The following KHDRBS2 variants were observed in gnomAD, a reference collection of about 807,000 sequenced individuals.
KHDRBS2 encodes KH domain-containing, RNA-binding, signal transduction-associated protein 2.
KHDRBS2 carries 26 observed loss-of-function variants against 44.3 expected under a neutral mutation model. The ratio of observed to expected loss-of-function variants is 0.59; its 90% confidence interval spans 0.43 to 0.81. KHDRBS2 has a LOEUF of 0.81. Among genes scored for constraint, KHDRBS2 ranks in the 40% least tolerant of loss-of-function variants. The pLI is 0.00. For missense variants in KHDRBS2, 476 were observed against 433.1 expected, an observed-to-expected ratio of 1.10 and a Z score of -0.88; for synonymous variants, 194 against 151.1, an observed-to-expected ratio of 1.28 and a Z score of -2.08.
intron 2 of KHDRBS2, among the ~76,000 whole-genome samples, chr6:62,062,955 C>A (rs1032064148): frequency 6.7e-5 from 10 of 150,138 alleles, no homozygotes; most frequent in Admixed American, 6.0e-4. Context: ...ATATCACCAC[C>A]GATCCCACAG....
chr6:61,723,586 A>C (rs1218798433), intron 7 of KHDRBS2, among the ~76,000 whole-genome samples: 1 of 152,082 alleles, frequency 6.6e-6, no homozygotes, highest in Admixed American at 6.6e-5. Flanking sequence ...AAAAAACAAC[A>C]ATACAGAAGC....
At chr6:61,808,804 T>C (rs1721562072) in intron 6 of KHDRBS2, among the ~76,000 whole-genome samples, 1 of 152,098 alleles carries the variant, frequency 6.6e-6, no homozygotes, top group African/African-American at 2.4e-5. Context: ...TTCATGTATC[T>C]TTACTTTTTT....
At chr6:61,646,279 G>A in the KHDRBS2 span, among the ~76,000 whole-genome samples, 1 of 152,106 alleles carries the variant, frequency 6.6e-6, no homozygotes, top group African/African-American at 2.4e-5. Context: ...ATAAACAGAG[G>A]TATTGTTTTC....
At chr6:61,637,280 G>A in the KHDRBS2 span, among the ~76,000 whole-genome samples, 13 of 151,768 alleles carry the variant, frequency 8.6e-5, no homozygotes, top group South Asian at 2.1e-4. Context: ...GAGAATATGC[G>A]GTGTTTGTTT....
At chr6:62,248,646 C>A (rs1465316971) in intron 1 of KHDRBS2, among the ~76,000 whole-genome samples, 1 of 151,996 alleles carries the variant, frequency 6.6e-6, no homozygotes, top group East Asian at 1.9e-4. Flanking sequence ...TCATGAGTCA[C>A]CTTGAATTAT....
chr6:62,099,988 C>T (rs1432782473), intron 2 of KHDRBS2, among the ~76,000 whole-genome samples: 1 of 152,178 alleles, frequency 6.6e-6, no homozygotes, highest in African/African-American at 2.4e-5. Context: ...AGTGATTTCT[C>T]TGATGAATCT....
intron 2 of KHDRBS2, among the ~76,000 whole-genome samples, chr6:62,104,324 G>A (rs1039953125): frequency 3.3e-5 from 5 of 151,538 alleles, no homozygotes; most frequent in African/African-American, 1.2e-4. Flanking sequence ...TAAGTTTTAG[G>A]GTACATGTGC....
At chr6:61,576,044 T>G in the KHDRBS2 span, among the ~76,000 whole-genome samples, 1 of 152,032 alleles carries the variant, frequency 6.6e-6, no homozygotes, top group Admixed American at 6.6e-5. Flanking sequence ...TATTGGAAAT[T>G]ACCACTAAAG....
intron 4 of KHDRBS2, among the ~76,000 whole-genome samples, chr6:61,975,012 C>A (rs1211009946): frequency 6.6e-6 from 1 of 151,912 alleles, no homozygotes; most frequent in African/African-American, 2.4e-5. Context: ...TGGAGACCAA[C>A]AGGCTGGAAA....
chr6:61,546,401 A>G, the KHDRBS2 span, among the ~76,000 whole-genome samples: 1 of 152,150 alleles, frequency 6.6e-6, no homozygotes, highest in South Asian at 2.1e-4. Flanking sequence ...TATGTCCAGT[A>G]AATCCTCACA....
chr6:62,091,060 G>T lies in KHDRBS2; in HGVS notation c.220-43066C>A, dbSNP rs140147343. Among the ~76,000 whole-genome samples, 103 of 152,256 alleles carry T rather than the reference G, an allele frequency of 6.8e-4. 1 individual carries two copies. The highest frequency in any genetic ancestry group is 4.1e-3 in the East Asian group (21 of 5,178). ...TCATACTGTTCATTGCAACCTAGCT[G>T]TTGCTCTGCCATCTGGAACAGAGCA... On this transcript the variant is annotated intron_variant, in intron 2 of 8. Transcript: ENST00000281156.
chr6:62,271,927 C>T (rs1840157941), intron 1 of KHDRBS2, among the ~76,000 whole-genome samples: 1 of 152,096 alleles, frequency 6.6e-6, no homozygotes, highest in South Asian at 2.1e-4. Context: ...GTCTAACTTA[C>T]AGTGTTTATA....
chr6:61,896,825 A>C (rs1803019533), intron 5 of KHDRBS2, among the ~76,000 whole-genome samples: 2 of 152,142 alleles, frequency 1.3e-5, no homozygotes, highest in African/African-American at 4.8e-5. Flanking sequence ...CTGATTTCCA[A>C]ATCCACTAGA....
chr6:61,940,542 T>A (rs1187210261), intron 4 of KHDRBS2, among the ~76,000 whole-genome samples: 1 of 152,162 alleles, frequency 6.6e-6, no homozygotes, highest in South Asian at 2.1e-4. Flanking sequence ...TCTTCCCAAC[T>A]TGGCCTCTCA....
chr6:62,283,426 T>C (rs1159712288), intron 1 of KHDRBS2, among the ~76,000 whole-genome samples: 6 of 152,266 alleles, frequency 3.9e-5, no homozygotes, highest in African/African-American at 1.4e-4. Context: ...TGAAATCTCA[T>C]TGGTTTATAC....
At chr6:62,181,866 G>T (rs1451445919) in intron 1 of KHDRBS2, among the ~76,000 whole-genome samples, 9 of 151,974 alleles carry the variant, frequency 5.9e-5, no homozygotes, top group Non-Finnish European at 8.8e-5. Context: ...AACACAGCTA[G>T]AAGGTAAGGA....
the KHDRBS2 span, among the ~76,000 whole-genome samples, chr6:61,671,570 A>T: frequency 6.6e-6 from 1 of 151,776 alleles, no homozygotes. Context: ...TAATTTCTAC[A>T]TAAAGAGACT....
the KHDRBS2 span, among the ~76,000 whole-genome samples, chr6:61,662,009 T>C: frequency 1.3e-5 from 2 of 151,982 alleles, no homozygotes; most frequent in South Asian, 4.1e-4. Flanking sequence ...ACTACAATGC[T>C]ACAGTAACCA....
intron 2 of KHDRBS2, among the ~76,000 whole-genome samples, chr6:62,078,741 C>T (rs1796823394): frequency 6.6e-6 from 1 of 151,846 alleles, no homozygotes; most frequent in African/African-American, 2.4e-5. Context: ...AATTATACCA[C>T]AGAAAGTACA....
Sources: gnomAD v4.1 joint callset for allele counts (sites outside exome capture counted in the v4.1 genomes callset) on GRCh38, gnomAD v4.1.1 for gene constraint, MANE v1.5 for transcripts, NCBI Gene and HGNC (gene_info 2026-07-23, HGNC 2026-07-21) for gene names.